Variants in VAV3 observed in about 807,000 individuals in gnomAD.
The protein encoded by VAV3 is guanine nucleotide exchange factor VAV3.
In VAV3, 94 loss-of-function variants were observed where a neutral mutation model predicts 131.2. The ratio of observed to expected loss-of-function variants is 0.72; its 90% confidence interval spans 0.61 to 0.85. The LOEUF is 0.85. VAV3 is among the 40% of genes least tolerant of loss of function. The pLI is 0.00. For synonymous variants in VAV3, 349 were observed against 342.0 expected, an observed-to-expected ratio of 1.02 and a Z score of -0.22; for missense variants, 939 against 1,002.7, an observed-to-expected ratio of 0.94 and a Z score of 0.86.
intron 1 of VAV3, among the ~76,000 whole-genome samples, chr1:107,912,681 T>C (rs1353781017): frequency 3.3e-5 from 5 of 152,216 alleles, no homozygotes; most frequent in Non-Finnish European, 7.3e-5. Context: ...AAGTTTTTTC[T>C]TACCAAAATA....
intron 2 of VAV3, among the ~76,000 whole-genome samples, chr1:107,806,396 T>C (rs1667060292): frequency 6.6e-6 from 1 of 151,330 alleles, no homozygotes; most frequent in Non-Finnish European, 1.5e-5. Context: ...AACTCACTCA[T>C]CCTCATACTG....
At chr1:107,745,182 CAGTT>C (rs569179995) in intron 15 of VAV3, among the ~76,000 whole-genome samples, 4 of 151,708 alleles carry the variant, frequency 2.6e-5, no homozygotes, top group East Asian at 3.9e-4. Context: ...TTGTGAGAGA[CAGTT>C]AGTGACAAAA....
chr1:107,918,372 A>G, intron 1 of VAV3, among the ~76,000 whole-genome samples: 1 of 152,176 alleles, frequency 6.6e-6, no homozygotes, highest in Non-Finnish European at 1.5e-5. Flanking sequence ...GGAGCTCAGG[A>G]GGTCCCTACA....
At chr1:107,843,272 T>G (rs113767198) in intron 2 of VAV3, among the ~76,000 whole-genome samples, 191 of 151,692 alleles carry the variant, frequency 1.3e-3, no homozygotes, top group African/African-American at 4.5e-3. Context: ...GTGCTTCAGT[T>G]TTTGTATATA....
chr1:107,871,333 C>T (rs981299685), intron 2 of VAV3, among the ~76,000 whole-genome samples: 4 of 151,312 alleles, frequency 2.6e-5, no homozygotes, highest in African/African-American at 9.7e-5. Context: ...CCCCATTCCC[C>T]CCCTCTCCCC....
chr1:107,679,103 T>G (rs1239947788), intron 19 of VAV3, among the ~76,000 whole-genome samples: 2 of 152,268 alleles, frequency 1.3e-5, no homozygotes, highest in East Asian at 3.9e-4. Context: ...AAAGAAAGAT[T>G]TCTTAGATTC....
intron 19 of VAV3, among the ~76,000 whole-genome samples, chr1:107,677,661 A>C (rs985903551): frequency 8.5e-5 from 13 of 152,238 alleles, no homozygotes; most frequent in African/African-American, 2.9e-4. Context: ...CTTCTAAAAC[A>C]TAACTACTAC....
intron 19 of VAV3, among the ~76,000 whole-genome samples, chr1:107,661,900 A>G (rs554889056): frequency 1.3e-5 from 2 of 152,280 alleles, no homozygotes; most frequent in African/African-American, 4.8e-5. Flanking sequence ...GAATTTCCCT[A>G]CCTACCACGG....
intron 17 of VAV3, 30 bp from the exon 18 acceptor site, chr1:107,688,436 A>G: frequency 2.5e-6 from 4 of 1,613,258 alleles, no homozygotes; most frequent in Non-Finnish European, 3.4e-6. Flanking sequence ...TGGCATTGTC[A>G]GTGTAAAGTT....
At chr1:107,761,622 G>C (rs1321148077) in intron 9 of VAV3, among the ~76,000 whole-genome samples, 1 of 152,044 alleles carries the variant, frequency 6.6e-6, no homozygotes, top group African/African-American at 2.4e-5. Flanking sequence ...GATGTGCTTT[G>C]TCCAGCCTCC....
chr1:107,634,349 C>T (rs1654740904), intron 20 of VAV3, among the ~76,000 whole-genome samples: 2 of 151,982 alleles, frequency 1.3e-5, no homozygotes, highest in Admixed American at 1.3e-4. Context: ...TTTGACAAAC[C>T]TGACAAAAAG....
chr1:107,787,442 G>A (rs147030000), intron 2 of VAV3, among the ~76,000 whole-genome samples: 1 of 152,316 alleles, frequency 6.6e-6, no homozygotes, highest in East Asian at 1.9e-4. Context: ...AGGGGAGACA[G>A]CAAGGCCAGT....
intron 25 of VAV3, among the ~76,000 whole-genome samples, chr1:107,595,999 C>G (rs1416591540): frequency 2.0e-5 from 3 of 152,062 alleles, no homozygotes; most frequent in African/African-American, 7.2e-5. Context: ...TGGACATAAA[C>G]ATAATTTTTA....
rs1346448826 is a variant in VAV3 at position 107,756,983 on chromosome 1, C to T, written c.1086+278G>A. 5.9e-5 allele frequency among the ~76,000 whole-genome samples: 9 copies of T among 151,334 alleles called. No homozygotes were observed. In the South Asian group the frequency reaches 1.2e-3, roughly 21 times the overall value. Reference sequence around the variant, plus strand: ...GTATCTAAGTGATTTTAATATACTTCTTAGTTTTATGCGTTGTCTAACAAT... The same window carrying T: ...GTATCTAAGTGATTTTAATATACTTTTTAGTTTTATGCGTTGTCTAACAAT... On this transcript the variant is annotated intron_variant, in intron 11 of 26. Coordinates refer to ENST00000370056, the MANE Select transcript of VAV3 (RefSeq NM_006113.5).
intron 10 of VAV3, among the ~76,000 whole-genome samples, chr1:107,759,350 A>C (rs545403538): frequency 1.3e-5 from 2 of 152,336 alleles, no homozygotes; most frequent in African/African-American, 4.8e-5. Flanking sequence ...ACTTCATTAA[A>C]TAAAAGTCAT....
At chr1:107,595,573 C>T (rs988860437) in intron 25 of VAV3, among the ~76,000 whole-genome samples, 1 of 152,126 alleles carries the variant, frequency 6.6e-6, no homozygotes, top group Non-Finnish European at 1.5e-5. Context: ...GTTACATGCT[C>T]TATCTCCAGG....
chr1:107,633,744 C>G (rs1203733617), intron 20 of VAV3, among the ~76,000 whole-genome samples: 1 of 152,102 alleles, frequency 6.6e-6, no homozygotes, highest in Non-Finnish European at 1.5e-5. Context: ...CTCTTGGGAG[C>G]CAGCTACCAT....
intron 1 of VAV3, among the ~76,000 whole-genome samples, chr1:107,908,393 C>T (rs1056546539): frequency 6.6e-6 from 1 of 152,154 alleles, no homozygotes; most frequent in Non-Finnish European, 1.5e-5. Context: ...AAAGTAAGAT[C>T]GGTTATTACC....
chr1:107,650,711 C>T (rs1372495306), intron 19 of VAV3, among the ~76,000 whole-genome samples: 3 of 111,926 alleles, frequency 2.7e-5, no homozygotes, highest in South Asian at 3.6e-4. Context: ...CCTCCCCCCC[C>T]TCCCCCCACC....
Sources: allele counts gnomAD v4.1 joint callset (sites outside exome capture counted in the v4.1 genomes callset), GRCh38; gene constraint gnomAD v4.1.1; transcripts MANE v1.5; gene names NCBI Gene and HGNC (gene_info 2026-07-23, HGNC 2026-07-21).